MYT1L: variants seen among roughly 807,000 people sequenced by gnomAD.
MYT1L encodes the protein myelin transcription factor 1 like, also known as myelin transcription factor 1-like protein.
MYT1L carries 12 observed loss-of-function variants against 126.7 expected under a neutral mutation model. The ratio of observed to expected loss-of-function variants is 0.09; its 90% CI spans 0.06 to 0.15. The LOEUF (loss-of-function observed/expected upper bound fraction) is 0.15, where lower values mean the gene tolerates loss of function less well. MYT1L is among the 10% of genes least tolerant of loss of function. The probability of loss-of-function intolerance (pLI) is 1.00; values close to 1 mark genes in which losing one functional copy is unlikely to be tolerated. For missense variants in MYT1L, 979 were observed against 1,585.2 expected (o/e 0.62, Z 6.49); for synonymous variants, 541 against 604.2 (o/e 0.90, Z 1.53).
intron 3 of MYT1L, among the ~76,000 whole-genome samples, chr2:2,145,769 G>T (rs1013924489): frequency 1.4e-4 from 21 of 152,060 alleles, no homozygotes; most frequent in African/African-American, 5.1e-4. Flanking sequence ...AATGTATAGA[G>T]TTTAATATAA....
chr2:2,286,595 A>G (rs2095524196), intron 1 of MYT1L, among the ~76,000 whole-genome samples: 2 of 152,238 alleles, frequency 1.3e-5, no homozygotes, highest in African/African-American at 4.8e-5. Context: ...AGGATAATAA[A>G]TTTAGTTTCT....
At chr2:2,275,719 G>A (rs1305102401) in intron 2 of MYT1L, among the ~76,000 whole-genome samples, 1 of 152,104 alleles carries the variant, frequency 6.6e-6, no homozygotes, top group Admixed American at 6.5e-5. Flanking sequence ...CATATACACT[G>A]AGCATGCTTC....
rs1322614115 is a variant in MYT1L, at chr2:1,979,485, G to C, written c.89+36C>G. On this transcript the variant is annotated intron_variant, in intron 7 of 24. Transcript: ENST00000647738. The surrounding 1 kb of genome is among the most constrained non-coding windows in gnomAD (Gnocchi z 4.0). ...TTAGAAGGCGTGAATTTTCCAAACT[G>C]TTAATGGGGATGCATTTTACCCACA... 1.9e-6 allele frequency: 3 copies of C among 1,604,440 alleles called. No individual in the cohort carries two copies. Among genetic ancestry groups the C allele is most frequent in the East Asian group, 2.2e-5 (1 of 44,806 alleles).
intron 2 of MYT1L, among the ~76,000 whole-genome samples, chr2:2,245,826 A>T (rs1179233548): frequency 6.6e-6 from 1 of 152,104 alleles, no homozygotes; most frequent in Non-Finnish European, 1.5e-5. Flanking sequence ...CTCATTTTTC[A>T]AGTCAGAGAG....
chr2:2,284,109 C>A (rs2095484934), intron 2 of MYT1L, among the ~76,000 whole-genome samples: 1 of 152,132 alleles, frequency 6.6e-6, no homozygotes, highest in South Asian at 2.1e-4. Flanking sequence ...GGATCAAGTT[C>A]TCTGCTTGGT....
rs1192733884 is a variant in MYT1L at position 2,217,688 on chromosome 2, C to CAAAAAAAAAAAAAAAAAAAAAAAAA, written c.-420-44701_-420-44700insTTTTTTTTTTTTTTTTTTTTTTTTT. On this transcript the variant is annotated intron_variant, in intron 2 of 24. Coordinates refer to ENST00000647738, the MANE Select transcript of MYT1L (RefSeq NM_001303052.2). ...TCCATCTCAACAACAACAACAACAA[C>CAAAAAAAAAAAAAAAAAAAAAAAAA]AACAACAACAACAACAACAAAAAAA... Among the ~76,000 whole-genome samples, 3 of 70,880 alleles carry CAAAAAAAAAAAAAAAAAAAAAAAAA rather than the reference C, an allele frequency of 4.2e-5. 1 individual carries two copies. The highest frequency in any genetic ancestry group is 2.4e-4 in the African/African-American group (3 of 12,682). The allele number at this position is 70,880 out of a possible 152,430, so 46.5% of individuals were successfully genotyped here. A position where few individuals can be genotyped will look rare whatever the true frequency, so the allele number is the denominator to read the frequency against.
chr2:2,124,452 C>T (rs2081427582), intron 3 of MYT1L, among the ~76,000 whole-genome samples: 1 of 152,010 alleles, frequency 6.6e-6, no homozygotes, highest in Non-Finnish European at 1.5e-5. Flanking sequence ...CGTGCCACCA[C>T]ACCTGGCTGA....
chr2:2,117,237 A>G (rs1481419263), intron 3 of MYT1L, among the ~76,000 whole-genome samples: 1 of 152,234 alleles, frequency 6.6e-6, no homozygotes, highest in Non-Finnish European at 1.5e-5. Context: ...ATCTTAAAAA[A>G]TACAGGTGGG....
rs371674337 is a variant in MYT1L at position 1,851,694 on chromosome 2, C to T, written c.2721G>A (p.Thr907=). 10 of 1,613,682 alleles carry T rather than the reference C, an allele frequency of 6.2e-6. No individual in the cohort carries two copies. Among genetic ancestry groups the T allele is most frequent in the East Asian group, 2.2e-5 (1 of 44,876 alleles). The change falls in exon 19 of 25, where the codon ACG becomes ACA. Residue 907 remains threonine, a synonymous_variant. Transcript: ENST00000647738. ...ATSSQELKCP[T]PGCDGSGHIT... is the part of the protein sequence containing the mutation. Reference sequence around the variant, plus strand: ...TATGTCCAGAACCATCACAGCCAGGCGTGGGGCACCTACAATAAAAAATGC... The same window carrying T: ...TATGTCCAGAACCATCACAGCCAGGTGTGGGGCACCTACAATAAAAAATGC...
At chr2:2,103,767 C>A (rs900637402) in intron 3 of MYT1L, among the ~76,000 whole-genome samples, 1 of 152,188 alleles carries the variant, frequency 6.6e-6, no homozygotes, top group Non-Finnish European at 1.5e-5. Flanking sequence ...TTCTCCTTCA[C>A]GAGAAACAAC....
At chr2:2,180,509 T>C (rs1230812247) in intron 2 of MYT1L, among the ~76,000 whole-genome samples, 1 of 152,076 alleles carries the variant, frequency 6.6e-6, no homozygotes, top group Non-Finnish European at 1.5e-5. Flanking sequence ...TGAAGGTGTA[T>C]GCGAACCTGT....
intron 3 of MYT1L, among the ~76,000 whole-genome samples, chr2:2,135,895 A>G (rs944577449): frequency 3.9e-5 from 6 of 152,228 alleles, no homozygotes; most frequent in Non-Finnish European, 7.3e-5. Context: ...TCTCTTAAGA[A>G]AACGTTCTAC....
Position 2,228,450 on chromosome 2 carries a change from T to C in MYT1L, c.-420-55462A>G, listed in dbSNP as rs111660214. ...AAAAGCAAACATTTTTTAATACTGT[T>C]ATCTAATTAAATAGTTAAGATTTTT... On this transcript the variant is annotated intron_variant, in intron 2 of 24. Transcript: ENST00000647738. The surrounding 1 kb of genome is among the most constrained non-coding windows in gnomAD (Gnocchi z 5.9). Among the ~76,000 whole-genome samples, 3 of 152,364 alleles carry C rather than the reference T, an allele frequency of 2.0e-5. No individual in the cohort carries two copies. Among genetic ancestry groups the C allele is most frequent in the African/African-American group, 7.2e-5 (3 of 41,602 alleles).
intron 1 of MYT1L, among the ~76,000 whole-genome samples, chr2:2,308,750 C>T (rs1383147796): frequency 6.6e-6 from 1 of 151,998 alleles, no homozygotes; most frequent in Admixed American, 6.6e-5. Flanking sequence ...TCTACCTACA[C>T]TTCAGTACAC....
chr2:2,092,859 G>T (rs2077037965), intron 3 of MYT1L, among the ~76,000 whole-genome samples: 2 of 152,184 alleles, frequency 1.3e-5, no homozygotes, highest in South Asian at 4.1e-4. Flanking sequence ...CCTTGAAAAA[G>T]ACCCTTGTTT....
chr2:1,919,462 G>C (rs551934328), intron 10 of MYT1L, among the ~76,000 whole-genome samples: 1 of 152,212 alleles, frequency 6.6e-6, no homozygotes, highest in South Asian at 2.1e-4. Context: ...CCCTCTGTTA[G>C]AGCAGGCAAT....
intron 3 of MYT1L, among the ~76,000 whole-genome samples, chr2:2,081,801 G>A (rs563729703): frequency 2.0e-5 from 3 of 152,242 alleles, no homozygotes; most frequent in Admixed American, 6.5e-5. Flanking sequence ...GTGCAGTGGT[G>A]TGATCTTGGC....
rs190311435 is a variant in MYT1L, at chr2:2,254,860, C to T, written c.-421+29544G>A. ...CTACCATACAGCCCCAACTACTTCC[C>T]ATTTTTTATTTTATTCCCCTCTTCC... On this transcript the variant is annotated intron_variant, in intron 2 of 24. Transcript: ENST00000647738. Among the ~76,000 whole-genome samples, 7 of 152,236 alleles carry T rather than the reference C, an allele frequency of 4.6e-5. No homozygotes were observed. In the East Asian group the frequency reaches 1.4e-3, roughly 29 times the overall value.
At chr2:2,273,085 T>C (rs1437060792) in intron 2 of MYT1L, among the ~76,000 whole-genome samples, 1 of 152,140 alleles carries the variant, frequency 6.6e-6, no homozygotes, top group East Asian at 1.9e-4. Context: ...ATCCAAAGCC[T>C]GGCTTTGTGT....
Sources: gnomAD v4.1 joint callset for allele counts (sites outside exome capture counted in the v4.1 genomes callset) on GRCh38, gnomAD v4.1.1 for gene constraint, Gnocchi (gnomAD v3.1) non-coding constraint, MANE v1.5 for transcripts, NCBI Gene and HGNC (gene_info 2026-07-23, HGNC 2026-07-21) for gene names.